PCSK5: variants seen among roughly 807,000 people sequenced by gnomAD.
The protein encoded by PCSK5 is proprotein convertase subtilisin/kexin type 5.
PCSK5 carries 129 observed loss-of-function variants against 233.2 expected under a neutral mutation model. The observed-to-expected ratio is 0.55, with a 90% CI of 0.48 to 0.64. The LOEUF (loss-of-function observed/expected upper bound fraction) is 0.64, where lower values mean the gene tolerates loss of function less well. Among genes scored for constraint, PCSK5 ranks in the 30% least tolerant of loss-of-function variants. PCSK5 has a pLI of 0.00. For missense variants in PCSK5, 2,076 were observed against 2,430.1 expected, an observed-to-expected ratio of 0.85 and a Z score of 3.06; for synonymous variants, 825 against 879.2, an observed-to-expected ratio of 0.94 and a Z score of 1.09.
At chr9:76,192,055 G>A (rs896613625) in intron 20 of PCSK5, among the ~76,000 whole-genome samples, 2 of 101,676 alleles carry the variant, frequency 2.0e-5, no homozygotes, top group Non-Finnish European at 3.5e-5. Context: ...AGGCAACAGA[G>A]CAAGACTGTC....
chr9:76,074,864 C>T (rs888847855), intron 7 of PCSK5, among the ~76,000 whole-genome samples: 2 of 152,116 alleles, frequency 1.3e-5, no homozygotes, highest in African/African-American at 4.8e-5. Context: ...TCTCCTATAC[C>T]ATTTCCACAG....
intron 2 of PCSK5, among the ~76,000 whole-genome samples, chr9:75,961,153 A>G (rs1825335997): frequency 6.6e-6 from 1 of 152,164 alleles, no homozygotes; most frequent in South Asian, 2.1e-4. Flanking sequence ...ATTGAGCTGA[A>G]CCTGAAGTCC....
intron 5 of PCSK5, among the ~76,000 whole-genome samples, chr9:76,055,985 T>C (rs1829807433): frequency 6.6e-6 from 1 of 152,166 alleles, no homozygotes. Context: ...TCCCTATTTC[T>C]GGCTCTCCTC....
At chr9:76,107,102 G>C (rs574374070) in intron 8 of PCSK5, 149 bp from the exon 9 acceptor site, 8 of 533,478 alleles carry the variant, frequency 1.5e-5, no homozygotes, top group Admixed American at 3.4e-5. Flanking sequence ...TTCTCTGGAA[G>C]TGATATGATT....
In PCSK5 at chr9:76,181,379, T is replaced by C. The variant is rs1463844502; in HGVS notation, c.2004-19T>C. 1 of 1,604,166 alleles carries C rather than the reference T, an allele frequency of 6.2e-7. No individual in the cohort carries two copies. The highest frequency in any genetic ancestry group is 1.7e-5 in the Admixed American group (1 of 58,882). On this transcript the variant is annotated intron_variant, in intron 15 of 37. Transcript: ENST00000674117. ...TTTGCTCATGACGCTGCCTTCTTTC[T>C]TATTGTTTCACAATGCAGGATCTGT...
At chr9:76,310,904 C>T in intron 30 of PCSK5, 53 bp downstream of exon 30, 1 of 1,147,816 alleles carries the variant, frequency 8.7e-7, no homozygotes, top group Non-Finnish European at 1.2e-6. Flanking sequence ...TCCTCTGGTA[C>T]TTTGGGAGCA....
At chr9:76,138,970 ATT>A (rs5898453) in intron 10 of PCSK5, among the ~76,000 whole-genome samples, 8 of 148,852 alleles carry the variant, frequency 5.4e-5, no homozygotes, top group Admixed American at 2.7e-4. Flanking sequence ...AAACTACTAG[ATT>A]TTTTTTTTTT....
At chr9:76,097,320 C>T (rs1408225195) in intron 8 of PCSK5, among the ~76,000 whole-genome samples, 5 of 115,316 alleles carry the variant, frequency 4.3e-5, no homozygotes, top group Non-Finnish European at 8.2e-5. Context: ...ACTGCAGTGG[C>T]GCAATCTCGG....
rs1374386106 is a variant in PCSK5 at position 76,189,031 on chromosome 9, G to GC, written c.2381-60dup. 1.0e-5 allele frequency: 15 copies of GC among 1,466,454 alleles called. No homozygotes were observed. In the Admixed American group the frequency reaches 1.2e-4, roughly 11 times the overall value. The allele number at this position is 1,466,454 out of a possible 1,614,324, so 90.8% of individuals were successfully genotyped here. A position where few individuals can be genotyped will look rare whatever the true frequency, so the allele number is the denominator to read the frequency against. On this transcript the variant is annotated intron_variant, in intron 18 of 37. Coordinates refer to ENST00000674117, the MANE Select transcript of PCSK5 (RefSeq NM_001372043.1). ...ATTTTCTCAAACTGTTAAAGAAGAA[G>GC]CCCATGACACCACCTCCTCTGAGGT...
At chr9:76,126,545 A>G (rs7035275) in intron 9 of PCSK5, among the ~76,000 whole-genome samples, 71,239 of 151,760 alleles carry the variant, frequency 0.47, 17,099 homozygotes, top group Admixed American at 0.52. Context: ...ACCAGAAGGC[A>G]GAGGTTGCAG....
rs924422797 is a variant in PCSK5, at chr9:76,118,381, C to T, written c.1208+11030C>T. 7.4e-5 allele frequency among the ~76,000 whole-genome samples: 11 copies of T among 148,184 alleles called. No homozygotes were observed. In the East Asian group the frequency reaches 9.6e-4, roughly 13 times the overall value. Reference sequence around the variant, plus strand: ...ACTGTTTTTGCATGACATTTTCTTACTTGTATGAAATGATGCTATCCTTAC... The same window carrying T: ...ACTGTTTTTGCATGACATTTTCTTATTTGTATGAAATGATGCTATCCTTAC... On this transcript the variant is annotated intron_variant, in intron 9 of 37. Transcript: ENST00000674117.
At chr9:75,937,810 C>G (rs1157149103) in intron 2 of PCSK5, among the ~76,000 whole-genome samples, 1 of 152,218 alleles carries the variant, frequency 6.6e-6, no homozygotes, top group Non-Finnish European at 1.5e-5. Flanking sequence ...GTTACAGAGA[C>G]AGCTTCTTTC....
intron 2 of PCSK5, among the ~76,000 whole-genome samples, chr9:75,961,805 G>A (rs997109622): frequency 1.3e-5 from 2 of 152,298 alleles, no homozygotes; most frequent in Middle Eastern, 3.4e-3. Context: ...GATATGCTGG[G>A]TTAAATAAAG....
chr9:76,281,181 A>G (rs531491543), intron 24 of PCSK5, among the ~76,000 whole-genome samples: 38 of 152,374 alleles, frequency 2.5e-4, no homozygotes, highest in African/African-American at 8.7e-4. Flanking sequence ...ATAGCAAACA[A>G]CAGATTTCCA....
At chr9:76,039,458 A>T (rs1402440299) in intron 5 of PCSK5, among the ~76,000 whole-genome samples, 2 of 152,242 alleles carry the variant, frequency 1.3e-5, no homozygotes, top group African/African-American at 4.8e-5. Flanking sequence ...TTTGGATAGT[A>T]CATACTCATA....
At chr9:76,282,721 C>T (rs528010260) in intron 24 of PCSK5, among the ~76,000 whole-genome samples, 2 of 152,134 alleles carry the variant, frequency 1.3e-5, no homozygotes, top group Admixed American at 6.5e-5. Context: ...ATGAATGATC[C>T]CATCACCCAG....
intron 20 of PCSK5, among the ~76,000 whole-genome samples, chr9:76,192,564 A>G (rs955040504): frequency 6.6e-6 from 1 of 152,150 alleles, no homozygotes; most frequent in Non-Finnish European, 1.5e-5. Context: ...ATGCAGAGAC[A>G]TCTGTTCAAC....
chr9:75,979,992 G>A (rs1035115756), intron 2 of PCSK5, among the ~76,000 whole-genome samples: 7 of 152,226 alleles, frequency 4.6e-5, no homozygotes, highest in African/African-American at 1.7e-4. Context: ...TAAATGAAAG[G>A]GTCTTGAGGG....
At chr9:75,993,692 T>G (rs1452205220) in intron 3 of PCSK5, among the ~76,000 whole-genome samples, 2 of 152,102 alleles carry the variant, frequency 1.3e-5, no homozygotes, top group Non-Finnish European at 2.9e-5. Context: ...CTAAAAAGGG[T>G]ACAAAGCACA....
Sources: allele counts gnomAD v4.1 joint callset (sites outside exome capture counted in the v4.1 genomes callset), GRCh38; gene constraint gnomAD v4.1.1; transcripts MANE v1.5; gene names NCBI Gene and HGNC (gene_info 2026-07-23, HGNC 2026-07-21).